POLQ: variants seen among roughly 807,000 people sequenced by gnomAD.
The protein encoded by POLQ is DNA polymerase theta, also known as epididymis secretory sperm binding protein.
In POLQ, 233 loss-of-function variants were observed where a neutral mutation model predicts 259.2. The observed-to-expected ratio is 0.90, with a 90% confidence interval of 0.81 to 1.00. POLQ has a LOEUF of 1.00. Among genes scored for constraint, POLQ ranks in the 50% least tolerant of loss-of-function variants. The pLI is 0.00. For synonymous variants in POLQ, 1,025 were observed against 1,048.8 expected, an observed-to-expected ratio of 0.98 and a Z score of 0.44; for missense variants, 2,871 against 3,051.6, an observed-to-expected ratio of 0.94 and a Z score of 1.39.
intron 25 of POLQ, among the ~76,000 whole-genome samples, chr3:121,452,558 G>A (rs1357777074): frequency 2.6e-5 from 4 of 151,264 alleles, no homozygotes; most frequent in African/African-American, 7.3e-5. Flanking sequence ...TCAGGGATTA[G>A]GTGGTTCAGT....
At chr3:121,434,522 C>A (rs186099303) in intron 28 of POLQ, among the ~76,000 whole-genome samples, 277 of 152,240 alleles carry the variant, frequency 1.8e-3, no homozygotes, top group African/African-American at 6.4e-3. Context: ...ATTATATATT[C>A]TCTCTCAATT....
At chr3:121,544,619 AT>A in intron 2 of POLQ, 107 bp downstream of exon 2, 1 of 658,930 alleles carries the variant, frequency 1.5e-6, no homozygotes, top group Middle Eastern at 3.3e-4. Context: ...TTCTCTAGTT[AT>A]AAAGCACTGC....
At chr3:121,473,317 T>A in intron 21 of POLQ, 33 bp downstream of exon 21, 1 of 1,576,996 alleles carries the variant, frequency 6.3e-7, no homozygotes, top group Non-Finnish European at 8.6e-7. Flanking sequence ...TAGTTTAGGT[T>A]CTGCCCTGCT....
intron 24 of POLQ, among the ~76,000 whole-genome samples, chr3:121,464,268 T>G (rs963003568): frequency 6.6e-6 from 1 of 152,166 alleles, no homozygotes; most frequent in Non-Finnish European, 1.5e-5. Flanking sequence ...GGCTCACACC[T>G]GTAATCCCAA....
Position 121,481,651 on chromosome 3 carries a change from G to A in POLQ, c.6132C>T (p.Tyr2044=). ...LNAGSEHSGR[Y]RASVESILIF... is the part of the protein sequence containing the mutation. ...TGAGAATGGACTCCACAGATGCTCTGTATCGCCCAGAATGCTCACTGCCAG... is the reference window on the plus strand; with the variant it reads ...TGAGAATGGACTCCACAGATGCTCTATATCGCCCAGAATGCTCACTGCCAG... Residue 2044 remains tyrosine (Y), a synonymous_variant, in exon 19 of 30, where the codon TAC becomes TAT. Transcript: ENST00000264233. The A allele has an allele frequency of 6.2e-7, 1 of 1,614,010 alleles. No homozygotes were observed. Among genetic ancestry groups the A allele is most frequent in the Non-Finnish European group, 8.5e-7 (1 of 1,179,878 alleles).
At chr3:121,444,827 T>A (rs2047619699) in intron 26 of POLQ, among the ~76,000 whole-genome samples, 1 of 152,220 alleles carries the variant, frequency 6.6e-6, no homozygotes, top group East Asian at 1.9e-4. Flanking sequence ...TTGAATTTTA[T>A]CAAATGCCTT....
At chr3:121,452,165 A>G (rs1319707987) in intron 25 of POLQ, among the ~76,000 whole-genome samples, 1 of 152,076 alleles carries the variant, frequency 6.6e-6, no homozygotes, top group African/African-American at 2.4e-5. Context: ...GAGTGACCCG[A>G]TTTTCCAGGT....
intron 2 of POLQ, among the ~76,000 whole-genome samples, chr3:121,543,163 C>G (rs775066223): frequency 2.6e-5 from 4 of 152,166 alleles, no homozygotes; most frequent in Admixed American, 6.5e-5. Flanking sequence ...GACACCAGGA[C>G]TTGGTGATTA....
chr3:121,503,682 CAA>C (rs2048189587), intron 12 of POLQ, among the ~76,000 whole-genome samples: 2 of 152,140 alleles, frequency 1.3e-5, no homozygotes. Context: ...CATGGATGCT[CAA>C]GTCTCTGATA....
chr3:121,469,196 A>G (rs1289324367), intron 22 of POLQ, among the ~76,000 whole-genome samples: 3 of 151,896 alleles, frequency 2.0e-5, no homozygotes, highest in African/African-American at 7.3e-5. Context: ...AAAAAAAAAA[A>G]AAAAAAAATG....
At chr3:121,496,735 GA>G (rs55946319) in intron 14 of POLQ, 72 bp downstream of exon 14, 188 of 1,437,058 alleles carry the variant, frequency 1.3e-4, no homozygotes, top group South Asian at 1.5e-4. Context: ...AATGGAATTT[GA>G]AAAAAAAAGT....
chr3:121,500,681 A>C (rs916696740), intron 12 of POLQ, among the ~76,000 whole-genome samples: 1 of 152,188 alleles, frequency 6.6e-6, no homozygotes, highest in African/African-American at 2.4e-5. Flanking sequence ...AAAGTATTCC[A>C]AATTTGATGG....
intron 27 of POLQ, among the ~76,000 whole-genome samples, chr3:121,437,221 A>C (rs1341385208): frequency 6.6e-6 from 1 of 152,096 alleles, no homozygotes; most frequent in Non-Finnish European, 1.5e-5. Context: ...ACAAAATAAA[A>C]CAAAAACCTC....
At position 121,496,967 on chromosome 3, in the gene POLQ, C is replaced by A. The variant is rs747407904; in HGVS notation, c.2154-35G>T. The A allele has an allele frequency of 5.0e-6, 8 of 1,608,218 alleles. No homozygotes were observed. The African/African-American group carries it at 6.7e-5, about 13-fold the overall frequency. ...AATCATCAAAAGCGTGGTAAGAGAT[C>A]CTTCACGTCTACTAGGCGATACAGT... On this transcript the variant is annotated intron_variant, in intron 13 of 29. Transcript: ENST00000264233.
intron 12 of POLQ, among the ~76,000 whole-genome samples, chr3:121,500,290 A>C (rs2048156628): frequency 6.6e-6 from 1 of 151,858 alleles, no homozygotes. Context: ...AAAAAAAAAA[A>C]AAAAAAAAAG....
At position 121,472,074 on chromosome 3, in the gene POLQ, A is replaced by G. The variant is rs1560092545; in HGVS notation, c.6634T>C (p.Phe2212Leu). The G allele has an allele frequency of 1.3e-6, 2 of 1,587,226 alleles. No homozygotes were observed. Among genetic ancestry groups the G allele is most frequent in the East Asian group, 4.5e-5 (2 of 44,638 alleles). ...RITNAITKVV[F>L]PLQREKCLNP... is the part of the protein sequence containing the mutation. ...AGACACTTTTCCCGCTGAAGGGGAAAGACCACTTTGGTAATAGCATTAGTG... is the reference window on the plus strand; with the variant it reads ...AGACACTTTTCCCGCTGAAGGGGAAGGACCACTTTGGTAATAGCATTAGTG... Residue 2212 changes from phenylalanine to leucine, a missense_variant, in exon 22 of 30, where the codon TTT becomes CTT. By Grantham distance (22) the Phe-to-Leu change is conservative. Around this residue, in one of 3 missense-constraint regions of POLQ, gnomAD observed 2,080 missense variants for 2,126.0 expected, o/e 0.98. Transcript: ENST00000264233.
chr3:121,454,823 C>T (rs1441504258), intron 25 of POLQ, among the ~76,000 whole-genome samples: 5 of 152,052 alleles, frequency 3.3e-5, no homozygotes, highest in Non-Finnish European at 5.9e-5. Flanking sequence ...GACAGATCAA[C>T]GAGACAGAAA....
At position 121,538,070 on chromosome 3, in the gene POLQ, C is replaced by T. The variant is rs140469840; in HGVS notation, c.632-862G>A. On this transcript the variant is annotated intron_variant, in intron 4 of 29. Coordinates refer to ENST00000264233, the MANE Select transcript of POLQ (RefSeq NM_199420.4). ...TACTCTTCTAAATTGGCAACTTCAC[C>T]GAAATAAACATACAATGAAATATCA... is the stretch of plus-strand genomic sequence containing the variant. Among the ~76,000 whole-genome samples the T allele has an allele frequency of 4.9e-3, 743 of 152,086 alleles. 19 individuals carry two copies. The highest frequency in any genetic ancestry group is 0.016 in the East Asian group (81 of 5,178).
At chr3:121,453,726 T>C (rs559599436) in intron 25 of POLQ, among the ~76,000 whole-genome samples, 2 of 151,142 alleles carry the variant, frequency 1.3e-5, no homozygotes, top group Admixed American at 1.3e-4. Context: ...AAATATGAGA[T>C]TATGTGAAAA....
Sources: allele counts gnomAD v4.1 joint callset (sites outside exome capture counted in the v4.1 genomes callset), GRCh38; gene constraint gnomAD v4.1.1; regional missense constraint gnomAD v4.1.1; transcripts MANE v1.5; gene names NCBI Gene and HGNC (gene_info 2026-07-23, HGNC 2026-07-21).